RAI14: variants seen among roughly 807,000 people sequenced by gnomAD.
RAI14 encodes the protein ankycorbin.
A neutral mutation model predicts 115.4 loss-of-function variants in RAI14; 45 were observed. The ratio of observed to expected loss-of-function variants is 0.39; its 90% CI spans 0.31 to 0.50. The LOEUF is 0.50. RAI14 is among the 20% of genes least tolerant of loss of function. RAI14 has a pLI of 0.85. For synonymous variants in RAI14, 371 were observed against 415.4 expected, an observed-to-expected ratio of 0.89 and a Z score of 1.30; for missense variants, 939 against 1,131.2, an observed-to-expected ratio of 0.83 and a Z score of 2.44.
intron 3 of RAI14, among the ~76,000 whole-genome samples, chr5:34,777,372 A>G (rs546531878): frequency 1.4e-4 from 22 of 152,344 alleles, no homozygotes; most frequent in African/African-American, 5.3e-4. Context: ...ATTTGCAGCA[A>G]CATAGATGGA....
intron 2 of RAI14, chr5:34,687,628 T>G: frequency 6.5e-7 from 1 of 1,549,196 alleles, no homozygotes. Context: ...TAAACCCTTC[T>G]ATGATCCCAG....
intron 3 of RAI14, among the ~76,000 whole-genome samples, chr5:34,768,688 T>G (rs936871563): frequency 1.3e-5 from 2 of 152,106 alleles, no homozygotes; most frequent in African/African-American, 4.8e-5. Context: ...GAGCAAATGC[T>G]CTGGTTAAAT....
At chr5:34,665,148 T>TAC (rs1561220984) in intron 1 of RAI14, among the ~76,000 whole-genome samples, 1 of 62,228 alleles carries the variant, frequency 1.6e-5, no homozygotes, top group Non-Finnish European at 3.4e-5. Flanking sequence ...TATACACATA[T>TAC]ATATGTGTGT....
chr5:34,745,959 T>A (rs1182916880), intron 2 of RAI14, among the ~76,000 whole-genome samples: 1 of 152,158 alleles, frequency 6.6e-6, no homozygotes, highest in Non-Finnish European at 1.5e-5. Flanking sequence ...CATGCTCCTC[T>A]TCCTCTTTAC....
At chr5:34,731,423 C>A (rs1401871405) in intron 2 of RAI14, among the ~76,000 whole-genome samples, 1 of 152,096 alleles carries the variant, frequency 6.6e-6, no homozygotes, top group Non-Finnish European at 1.5e-5. Context: ...CAATGATATA[C>A]CTCAGATGAA....
chr5:34,710,287 T>G (rs573956933), intron 2 of RAI14, among the ~76,000 whole-genome samples: 1 of 152,316 alleles, frequency 6.6e-6, no homozygotes, highest in East Asian at 1.9e-4. Context: ...GTTGTTGGAA[T>G]TCCTTGGCTT....
Position 34,678,082 on chromosome 5 carries a change from A to G in RAI14, c.-48-8790A>G, listed in dbSNP as rs1744118534. 2.0e-5 allele frequency among the ~76,000 whole-genome samples: 3 copies of G among 148,688 alleles called. No homozygotes were observed. In the Admixed American group the frequency reaches 2.1e-4, roughly 10 times the overall value. ...CAGAGGAAGATAAGAAGTTAGAGGG[A>G]TAAAAAATTTTGTTTTGTTTTGTTT... is the stretch of plus-strand genomic sequence containing the variant. On this transcript the variant is annotated intron_variant, in intron 1 of 17. Coordinates refer to ENST00000265109, the MANE Select transcript of RAI14 (RefSeq NM_015577.3).
At chr5:34,753,166 G>A (rs1458838354) in intron 2 of RAI14, among the ~76,000 whole-genome samples, 1 of 152,138 alleles carries the variant, frequency 6.6e-6, no homozygotes, top group Non-Finnish European at 1.5e-5. Flanking sequence ...GCTAGTTAGA[G>A]GAGAGGATTT....
At chr5:34,779,990 C>T (rs1354963739) in intron 3 of RAI14, among the ~76,000 whole-genome samples, 1 of 152,188 alleles carries the variant, frequency 6.6e-6, no homozygotes, top group Non-Finnish European at 1.5e-5. Flanking sequence ...ACTACCATAA[C>T]CAAAACAGCA....
chr5:34,697,467 T>G (rs1375914981), intron 2 of RAI14, among the ~76,000 whole-genome samples: 1 of 146,432 alleles, frequency 6.8e-6, no homozygotes, highest in Non-Finnish European at 1.5e-5. Context: ...AAAAAAGAAA[T>G]GGAAACTGCT....
At chr5:34,753,227 A>C (rs1377959674) in intron 2 of RAI14, among the ~76,000 whole-genome samples, 2 of 152,124 alleles carry the variant, frequency 1.3e-5, no homozygotes, top group Non-Finnish European at 2.9e-5. Context: ...TGGTCTCCAA[A>C]AGCCTTCTTT....
chr5:34,750,486 G>A (rs1340112790), intron 2 of RAI14, among the ~76,000 whole-genome samples: 1 of 151,884 alleles, frequency 6.6e-6, no homozygotes, highest in Non-Finnish European at 1.5e-5. Context: ...TTTTTTAAGC[G>A]ACGAGGAAAC....
chr5:34,719,977 A>G (rs1406139521), intron 2 of RAI14, among the ~76,000 whole-genome samples: 1 of 152,110 alleles, frequency 6.6e-6, no homozygotes, highest in Admixed American at 6.5e-5. Context: ...CACCAATTAC[A>G]TTGTCTTCCT....
intron 3 of RAI14, among the ~76,000 whole-genome samples, chr5:34,777,033 T>C (rs185244753): frequency 3.5e-4 from 53 of 151,536 alleles, no homozygotes; most frequent in Middle Eastern, 3.5e-3. Flanking sequence ...TAGCCAGGCA[T>C]AGTGGCATGC....
chr5:34,730,003 C>T (rs1743974637), intron 2 of RAI14, among the ~76,000 whole-genome samples: 1 of 152,078 alleles, frequency 6.6e-6, no homozygotes, highest in African/African-American at 2.4e-5. Context: ...TTTATTGATG[C>T]TGTGCTATGT....
At chr5:34,706,251 T>G (rs1326926318) in intron 2 of RAI14, among the ~76,000 whole-genome samples, 2 of 152,262 alleles carry the variant, frequency 1.3e-5, no homozygotes, top group East Asian at 3.8e-4. Context: ...AAAAGGGACT[T>G]AACCTTCATA....
intron 3 of RAI14, among the ~76,000 whole-genome samples, chr5:34,777,047 C>T (rs1361912638): frequency 1.3e-5 from 2 of 151,058 alleles, no homozygotes; most frequent in East Asian, 2.0e-4. Flanking sequence ...GGCATGCACC[C>T]GTAATACCAG....
chr5:34,769,474 T>G (rs1749872104), intron 3 of RAI14, among the ~76,000 whole-genome samples: 1 of 152,218 alleles, frequency 6.6e-6, no homozygotes, highest in African/African-American at 2.4e-5. Flanking sequence ...TTGTTAGGAT[T>G]GGCCTGCTGA....
chr5:34,798,036 TTTTG>T (rs1295620766), intron 4 of RAI14, among the ~76,000 whole-genome samples: 1 of 152,206 alleles, frequency 6.6e-6, no homozygotes, highest in Non-Finnish European at 1.5e-5. Flanking sequence ...GTGTGTGTTT[TTTTG>T]TTTGTTTGTT....
Sources: gnomAD v4.1 joint callset for allele counts (sites outside exome capture counted in the v4.1 genomes callset) on GRCh38, gnomAD v4.1.1 for gene constraint, MANE v1.5 for transcripts, NCBI Gene and HGNC (gene_info 2026-07-23, HGNC 2026-07-21) for gene names.